The following RPTOR variants were observed in gnomAD, a reference collection of about 807,000 sequenced individuals.
The protein encoded by RPTOR is regulatory associated protein of MTOR complex 1.
RPTOR carries 21 observed loss-of-function variants against 169.9 expected under a neutral mutation model. That is an observed-to-expected ratio of 0.12 (90% confidence interval 0.09 to 0.18). The LOEUF (loss-of-function observed/expected upper bound fraction) is 0.18. Among genes scored for constraint, RPTOR ranks in the 10% least tolerant of loss-of-function variants. RPTOR has a pLI of 1.00. For missense variants in RPTOR, 1,133 were observed against 1,855.9 expected, an observed-to-expected ratio of 0.61 and a Z score of 7.16; for synonymous variants, 732 against 753.2, an observed-to-expected ratio of 0.97 and a Z score of 0.46.
Position 80,957,676 on chromosome 17 carries a change from A to T in RPTOR, c.3423A>T (p.Ser1141=), listed in dbSNP as rs2069270856. 1.9e-6 allele frequency: 3 copies of T among 1,614,020 alleles called. No homozygotes were observed. The African/African-American group carries it at 4.0e-5, about 22-fold the overall frequency. The change falls in exon 29 of 34, where the codon TCA becomes TCT. Residue 1141 remains serine, a synonymous_variant. Coordinates refer to ENST00000306801, the MANE Select transcript of RPTOR (RefSeq NM_020761.3). The surrounding 1 kb of genome is among the most constrained non-coding windows in gnomAD (Gnocchi z 4.6). ...WEQETGLLMS[S]GDVRIVRIWD... is the part of the protein sequence containing the mutation. Reference sequence around the variant, plus strand: ...AGGAGACCGGCCTCCTCATGAGCTCAGGAGACGTGCGGATCGTCCGGATCT... The same window carrying T: ...AGGAGACCGGCCTCCTCATGAGCTCTGGAGACGTGCGGATCGTCCGGATCT...
intron 6 of RPTOR, among the ~76,000 whole-genome samples, chr17:80,763,138 C>T (rs568769341): frequency 2.6e-5 from 4 of 152,088 alleles, no homozygotes; most frequent in East Asian, 3.9e-4. Context: ...CTCAGTTCCT[C>T]GGGAGGCTGA....
chr17:80,639,444 T>G (rs1252479779), intron 2 of RPTOR, among the ~76,000 whole-genome samples: 3 of 152,014 alleles, frequency 2.0e-5, no homozygotes, highest in Non-Finnish European at 4.4e-5. Context: ...AAACTGATCA[T>G]ACCCATGGAC....
At chr17:80,653,627 T>G (rs1190171300) in intron 3 of RPTOR, among the ~76,000 whole-genome samples, 1 of 152,194 alleles carries the variant, frequency 6.6e-6, no homozygotes, top group Non-Finnish European at 1.5e-5. Context: ...CATAGTGGAC[T>G]GGGAGCTTGG....
intron 7 of RPTOR, among the ~76,000 whole-genome samples, chr17:80,794,390 G>A (rs193056114): frequency 6.6e-6 from 1 of 152,318 alleles, no homozygotes; most frequent in East Asian, 1.9e-4. Context: ...CAGTGAGACA[G>A]CACTGTCCCT....
At chr17:80,619,105 T>G (rs1188557908) in intron 1 of RPTOR, among the ~76,000 whole-genome samples, 1 of 152,180 alleles carries the variant, frequency 6.6e-6, no homozygotes, top group Non-Finnish European at 1.5e-5. Context: ...TGAATCCTAA[T>G]GAGCGCTCCC....
rs528737925 is a variant in RPTOR at position 80,614,780 on chromosome 17, A to G, written c.163-10911A>G. 2.6e-5 allele frequency among the ~76,000 whole-genome samples: 4 copies of G among 152,300 alleles called. No individual in the cohort carries two copies. The South Asian group carries it at 6.2e-4, about 24-fold the overall frequency. On this transcript the variant is annotated intron_variant, in intron 1 of 33. Transcript: ENST00000306801. ...ATGCATGTGCCACTCTGCATTTTGT[A>G]AAATTCTGAACCATGGACTTTATTG...
rs553448964 is a variant in RPTOR, at chr17:80,590,496, GCA to G, written c.163-35190_163-35189del. Among the ~76,000 whole-genome samples the G allele has an allele frequency of 1.8e-3, 279 of 151,046 alleles. 1 individual carries two copies. Among genetic ancestry groups the G allele is most frequent in the African/African-American group, 6.5e-3 (269 of 41,080 alleles). Reference sequence around the variant, plus strand: ...GGCATGCAGGTATGCGCACATGCGTGCACACAGTGTCTTTAATGGTTGAGCTG... The same window carrying G: ...GGCATGCAGGTATGCGCACATGCGTGCACAGTGTCTTTAATGGTTGAGCTG... On this transcript the variant is annotated intron_variant, in intron 1 of 33. Coordinates refer to ENST00000306801, the MANE Select transcript of RPTOR (RefSeq NM_020761.3).
chr17:80,773,565 C>G (rs1328263886), intron 6 of RPTOR, among the ~76,000 whole-genome samples: 3 of 152,184 alleles, frequency 2.0e-5, no homozygotes, highest in African/African-American at 7.2e-5. Context: ...CAAGGCAGGC[C>G]ACTGGGGGCA....
At chr17:80,594,179 T>C (rs560099617) in intron 1 of RPTOR, among the ~76,000 whole-genome samples, 105 of 152,246 alleles carry the variant, frequency 6.9e-4, no homozygotes, top group African/African-American at 2.4e-3. Context: ...CCACAACCTC[T>C]GCCTCCTGGG....
chr17:80,938,673 C>CT (rs924121097), intron 24 of RPTOR, among the ~76,000 whole-genome samples: 5 of 152,100 alleles, frequency 3.3e-5, no homozygotes, highest in African/African-American at 1.2e-4. Context: ...GTTTGGATGT[C>CT]TTTTTTGCTG....
chr17:80,894,395 T>C (rs886963029), intron 20 of RPTOR, among the ~76,000 whole-genome samples: 6 of 152,180 alleles, frequency 3.9e-5, no homozygotes, highest in South Asian at 2.1e-4. Context: ...ATCCCCGCCC[T>C]GCTCACCTGC....
chr17:80,698,472 G>A (rs2066056155), intron 3 of RPTOR, among the ~76,000 whole-genome samples: 1 of 152,212 alleles, frequency 6.6e-6, no homozygotes, highest in African/African-American at 2.4e-5. Context: ...CTCCCCGGGG[G>A]CCATTCCAGC....
intron 3 of RPTOR, among the ~76,000 whole-genome samples, chr17:80,683,352 C>A (rs1041687501): frequency 6.6e-6 from 1 of 152,318 alleles, no homozygotes; most frequent in South Asian, 2.1e-4. Flanking sequence ...AGAAGTGATA[C>A]TGGGGCTTCC....
intron 24 of RPTOR, among the ~76,000 whole-genome samples, chr17:80,928,143 C>G (rs555471317): frequency 6.6e-6 from 1 of 152,122 alleles, no homozygotes; most frequent in Non-Finnish European, 1.5e-5. Flanking sequence ...TGGTCGGCGT[C>G]GTCTGTAACT....
chr17:80,959,452 C>T lies in RPTOR; in HGVS notation c.3478-626C>T, dbSNP rs1005206629. Among the ~76,000 whole-genome samples, 9 of 152,184 alleles carry T rather than the reference C, an allele frequency of 5.9e-5. No homozygotes were observed. Among genetic ancestry groups the T allele is most frequent in the African/African-American group, 1.7e-4 (7 of 41,442 alleles). On this transcript the variant is annotated intron_variant, in intron 29 of 33. Coordinates refer to ENST00000306801, the MANE Select transcript of RPTOR (RefSeq NM_020761.3). This position sits in a 1 kb window ranked among gnomAD's most constrained non-coding sequence, Gnocchi z 6.7. ...CAGGGGTCTGGCCCCATCATCCCCA[C>T]GCCTGTGTTTCCTCCTGGAGTGCAC...
At chr17:80,760,300 C>CTTTTTTTTTTTTT (rs1479994551) in intron 6 of RPTOR, among the ~76,000 whole-genome samples, 24 of 96,488 alleles carry the variant, frequency 2.5e-4, no homozygotes, top group East Asian at 6.3e-4. Context: ...TTTCTTTTTT[C>CTTTTTTTTTTTTT]TTTTTTCTTT....
chr17:80,731,414 A>G (rs1180635027), intron 5 of RPTOR, among the ~76,000 whole-genome samples: 1 of 152,130 alleles, frequency 6.6e-6, no homozygotes, highest in Non-Finnish European at 1.5e-5. Flanking sequence ...AAAAAAAAAA[A>G]ATCCCCGAAA....
In RPTOR at chr17:80,844,821, C is replaced by T. The variant is rs2067708889; in HGVS notation, c.1213-1652C>T. On this transcript the variant is annotated intron_variant, in intron 10 of 33. Transcript: ENST00000306801. This position sits in a 1 kb window ranked among gnomAD's most constrained non-coding sequence, Gnocchi z 4.7. ...TGTCCACATTCACTGGAACCCGGGGCACAGCCGACCCCGGCCAGATGAGCG... is the reference window on the plus strand; with the variant it reads ...TGTCCACATTCACTGGAACCCGGGGTACAGCCGACCCCGGCCAGATGAGCG... 6.6e-6 allele frequency among the ~76,000 whole-genome samples: 1 copy of T among 152,220 alleles called. No homozygotes were observed. Among genetic ancestry groups the T allele is most frequent in the Non-Finnish European group, 1.5e-5 (1 of 68,046 alleles).
intron 5 of RPTOR, among the ~76,000 whole-genome samples, chr17:80,739,485 G>A: frequency 6.6e-6 from 1 of 152,160 alleles, no homozygotes. Context: ...GTATCACAGT[G>A]GGATTTACAG....
Sources: gnomAD v4.1 joint callset for allele counts (sites outside exome capture counted in the v4.1 genomes callset) on GRCh38, gnomAD v4.1.1 for gene constraint, Gnocchi (gnomAD v3.1) non-coding constraint, MANE v1.5 for transcripts, NCBI Gene and HGNC (gene_info 2026-07-23, HGNC 2026-07-21) for gene names.